Variants in KALRN observed in about 807,000 individuals in gnomAD.
The protein encoded by KALRN is kalirin RhoGEF kinase, also known as kalirin.
Under a neutral mutation model 353.7 loss-of-function variants are expected in KALRN, and 70 were observed. The observed-to-expected ratio is 0.20, with a 90% CI of 0.16 to 0.24. The LOEUF (loss-of-function observed/expected upper bound fraction) is 0.24. Among genes scored for constraint, KALRN ranks in the 10% least tolerant of loss-of-function variants. The probability of loss-of-function intolerance (pLI) is 1.00; values close to 1 mark genes in which losing one functional copy is unlikely to be tolerated. For missense variants in KALRN, 2,791 were observed against 3,756.7 expected (o/e 0.74, Z 6.72); for synonymous variants, 1,391 against 1,434.8 (o/e 0.97, Z 0.69).
chr3:124,144,231 G>A (rs531702638), intron 1 of KALRN, among the ~76,000 whole-genome samples: 52 of 152,230 alleles, frequency 3.4e-4, no homozygotes, highest in Non-Finnish European at 7.1e-4. Flanking sequence ...AGGCTGGGAA[G>A]GGGCCACTGT....
At chr3:124,226,491 TAA>T (rs1470743432) in intron 1 of KALRN, among the ~76,000 whole-genome samples, 2 of 152,196 alleles carry the variant, frequency 1.3e-5, no homozygotes, top group Non-Finnish European at 2.9e-5. Context: ...GACTGATGAA[TAA>T]AAAGACTTGC....
At chr3:124,546,344 G>T (rs1053428413) in intron 33 of KALRN, among the ~76,000 whole-genome samples, 2 of 150,610 alleles carry the variant, frequency 1.3e-5, no homozygotes, top group Non-Finnish European at 3.0e-5. Context: ...GTACCTTGTA[G>T]TCCCAGCTAC....
chr3:124,057,682 C>T (rs755006236), intron 1 of KALRN, among the ~76,000 whole-genome samples: 1 of 152,150 alleles, frequency 6.6e-6, no homozygotes, highest in South Asian at 2.1e-4. Flanking sequence ...AGGACCTGGC[C>T]GAGGCACAGT....
chr3:124,301,417 T>C (rs73188192), intron 6 of KALRN, among the ~76,000 whole-genome samples: 5 of 152,316 alleles, frequency 3.3e-5, no homozygotes, highest in South Asian at 2.1e-4. Flanking sequence ...GCCAATCTTG[T>C]AGCCTCCCTC....
At chr3:124,270,824 GTTTTTTT>G (rs777615656) in intron 5 of KALRN, among the ~76,000 whole-genome samples, 1 of 78,654 alleles carries the variant, frequency 1.3e-5, no homozygotes, top group African/African-American at 5.2e-5. Flanking sequence ...TTTTTGTTTT[GTTTTTTT>G]TTTTTTTTTT....
intron 25 of KALRN, among the ~76,000 whole-genome samples, chr3:124,472,423 C>T (rs186153160): frequency 6.6e-6 from 1 of 152,298 alleles, no homozygotes; most frequent in Admixed American, 6.5e-5. Flanking sequence ...GGCACGGTGG[C>T]TCATGCCTGT....
chr3:124,366,968 C>G (rs1260288220), intron 10 of KALRN, among the ~76,000 whole-genome samples: 1 of 139,454 alleles, frequency 7.2e-6, no homozygotes, highest in Non-Finnish European at 1.5e-5. Flanking sequence ...CAGGCAGAGG[C>G]GCCCCTCACC....
At chr3:124,717,553 A>G (rs964387909) in intron 59 of KALRN, among the ~76,000 whole-genome samples, 168 bp downstream of exon 59, 2 of 151,974 alleles carry the variant, frequency 1.3e-5, no homozygotes, top group Non-Finnish European at 2.9e-5. Context: ...AAAATTAGCC[A>G]GGAGTGGTGG....
intron 5 of KALRN, among the ~76,000 whole-genome samples, chr3:124,274,453 A>G (rs1356457812): frequency 1.3e-5 from 2 of 152,244 alleles, no homozygotes; most frequent in Non-Finnish European, 2.9e-5. Context: ...TCATTTCTGA[A>G]TAAAGGAAGC....
intron 34 of KALRN, among the ~76,000 whole-genome samples, chr3:124,602,242 G>T (rs2076884630): frequency 6.6e-6 from 1 of 152,154 alleles, no homozygotes; most frequent in Admixed American, 6.5e-5. Flanking sequence ...GAAGAAGTCA[G>T]AAGTCCCCCA....
intron 1 of KALRN, among the ~76,000 whole-genome samples, chr3:124,064,559 G>A (rs541046188): frequency 3.3e-5 from 5 of 152,254 alleles, no homozygotes; most frequent in South Asian, 4.1e-4. Flanking sequence ...ACTAAGGCCC[G>A]TTGCCCTTGC....
chr3:124,246,586 G>T (rs1399090238), intron 3 of KALRN, among the ~76,000 whole-genome samples: 1 of 152,162 alleles, frequency 6.6e-6, no homozygotes, highest in African/African-American at 2.4e-5. Flanking sequence ...ATCAGAACTG[G>T]TGTCCTTATC....
At chr3:124,623,386 A>G (rs76925191) in intron 34 of KALRN, among the ~76,000 whole-genome samples, 41,316 of 141,566 alleles carry the variant, frequency 0.29, 7,086 homozygotes, top group East Asian at 0.59. Context: ...ATATATATAT[A>G]TATATTTATT....
intron 34 of KALRN, among the ~76,000 whole-genome samples, chr3:124,604,855 TAAAAA>T (rs10708914): frequency 6.8e-6 from 1 of 146,010 alleles, no homozygotes; most frequent in Non-Finnish European, 1.5e-5. Context: ...CCTGGCTAAT[TAAAAA>T]AAAAAAAAAA....
chr3:124,453,880 A>C (rs548974297), intron 21 of KALRN, among the ~76,000 whole-genome samples: 1 of 152,056 alleles, frequency 6.6e-6, no homozygotes, highest in East Asian at 1.9e-4. Context: ...TATAGTGTTA[A>C]CTCTACATTC....
intron 1 of KALRN, among the ~76,000 whole-genome samples, chr3:124,083,703 T>C (rs1194986030): frequency 6.6e-6 from 1 of 152,234 alleles, no homozygotes; most frequent in African/African-American, 2.4e-5. Flanking sequence ...GGGAGTTGGC[T>C]GCGGAGCCTT....
chr3:124,589,953 T>C (rs996565458), intron 34 of KALRN, among the ~76,000 whole-genome samples: 1 of 152,214 alleles, frequency 6.6e-6, no homozygotes, highest in African/African-American at 2.4e-5. Flanking sequence ...CTGTATGCTT[T>C]TGCGATATGT....
At chr3:124,550,846 G>T (rs1287837668) in intron 33 of KALRN, among the ~76,000 whole-genome samples, 1 of 152,016 alleles carries the variant, frequency 6.6e-6, no homozygotes, top group Non-Finnish European at 1.5e-5. Context: ...AAAATTAGCC[G>T]GGCGTGGTGG....
At chr3:124,463,902 G>A (rs373395846) in intron 25 of KALRN, among the ~76,000 whole-genome samples, 3 of 152,108 alleles carry the variant, frequency 2.0e-5, no homozygotes, top group African/African-American at 7.2e-5. Flanking sequence ...GAAGCAATAC[G>A]CTCTGGGGGA....
Sources: gnomAD v4.1 joint callset for allele counts (sites outside exome capture counted in the v4.1 genomes callset) on GRCh38, gnomAD v4.1.1 for gene constraint, MANE v1.5 for transcripts, NCBI Gene and HGNC (gene_info 2026-07-23, HGNC 2026-07-21) for gene names.